CACNA1I: variants seen among roughly 807,000 people sequenced by gnomAD.
CACNA1I encodes voltage-dependent T-type calcium channel subunit alpha-1I.
In CACNA1I, 74 loss-of-function variants were observed where a neutral mutation model predicts 201.6. That is an observed-to-expected ratio of 0.37 (90% CI 0.30 to 0.45). The LOEUF is 0.45. CACNA1I is among the 20% of genes least tolerant of loss of function. The pLI is 1.00. For missense variants in CACNA1I, 2,346 were observed against 3,138.1 expected (o/e 0.75, Z 6.03); for synonymous variants, 1,431 against 1,345.2 (o/e 1.06, Z -1.40).
chr22:39,611,641 C>G (rs1183568813), intron 3 of CACNA1I, among the ~76,000 whole-genome samples: 1 of 152,202 alleles, frequency 6.6e-6, no homozygotes, highest in African/African-American at 2.4e-5. Context: ...ATGAGGCATA[C>G]ACTAAAATTA....
rs750800988 is a variant in CACNA1I at position 39,670,208 on chromosome 22, G to C, written c.4365G>C (p.Arg1455=). The C allele has an allele frequency of 6.2e-7, 1 of 1,613,386 alleles. No individual in the cohort carries two copies. The highest frequency in any genetic ancestry group is 1.3e-5 in the African/African-American group (1 of 75,070). The part of the protein sequence containing the change: ...EARRREEKRL[R]RLEKKRRKAQ... ...GGCGGCGTGAGGAGAAGCGGCTGCG[G>C]CGCCTGGAGAAGAAGCGCCGGAGTG... Residue 1455 remains arginine (R), a synonymous_variant, in exon 25 of 37, where the codon CGG becomes CGC. Transcript: ENST00000402142.
intron 3 of CACNA1I, among the ~76,000 whole-genome samples, chr22:39,608,856 C>G (rs888725360): frequency 6.6e-6 from 1 of 151,866 alleles, no homozygotes; most frequent in Non-Finnish European, 1.5e-5. Flanking sequence ...ATTTATTGTA[C>G]CCTGGAAACA....
chr22:39,637,989 A>G (rs996665790), intron 5 of CACNA1I, among the ~76,000 whole-genome samples: 35 of 151,964 alleles, frequency 2.3e-4, no homozygotes, highest in African/African-American at 8.0e-4. Flanking sequence ...GCTGGAGTGC[A>G]GTGGCATGAT....
At chr22:39,632,284 G>C (rs925448340) in intron 4 of CACNA1I, among the ~76,000 whole-genome samples, 6 of 152,088 alleles carry the variant, frequency 3.9e-5, no homozygotes, top group African/African-American at 1.4e-4. Flanking sequence ...TGGCCTCGGG[G>C]CTCGCCCATT....
chr22:39,627,041 A>G (rs930486995), intron 4 of CACNA1I, among the ~76,000 whole-genome samples: 3 of 151,998 alleles, frequency 2.0e-5, no homozygotes, highest in African/African-American at 7.3e-5. Context: ...TAGGGTTTGA[A>G]CCCGTGTTCA....
At chr22:39,628,072 T>TCTCCCC (rs1032669608) in intron 4 of CACNA1I, among the ~76,000 whole-genome samples, 1 of 152,106 alleles carries the variant, frequency 6.6e-6, no homozygotes, top group African/African-American at 2.4e-5. Flanking sequence ...AGTGCCTCCC[T>TCTCCCC]CTCCCCCTCC....
At chr22:39,602,748 C>T (rs996324346) in intron 3 of CACNA1I, among the ~76,000 whole-genome samples, 5 of 152,268 alleles carry the variant, frequency 3.3e-5, no homozygotes, top group East Asian at 3.9e-4. Flanking sequence ...TCCTCTTTCT[C>T]GGAAGATGAC....
intron 19 of CACNA1I, 88 bp downstream of exon 19, chr22:39,663,929 G>T: frequency 6.4e-7 from 1 of 1,571,456 alleles, no homozygotes; most frequent in Admixed American, 1.7e-5. Flanking sequence ...CCTCACCGAG[G>T]TGGGGAGGCA....
At chr22:39,664,269 C>A in intron 20 of CACNA1I, 110 bp downstream of exon 20, 2 of 914,428 alleles carry the variant, frequency 2.2e-6, no homozygotes, top group South Asian at 2.9e-5. Flanking sequence ...TCATTTCACT[C>A]GTAGCCCCAT....
At chr22:39,622,778 G>T (rs1933785557) in intron 4 of CACNA1I, among the ~76,000 whole-genome samples, 1 of 151,608 alleles carries the variant, frequency 6.6e-6, no homozygotes, top group Admixed American at 6.6e-5. Flanking sequence ...GTGGGCACCT[G>T]GGTGGGCGGG....
In CACNA1I at chr22:39,658,977, C is replaced by T. The variant is rs1569085673; in HGVS notation, c.2191C>T (p.Arg731Trp). 1.2e-6 allele frequency: 2 copies of T among 1,606,930 alleles called. No homozygotes were observed. The highest frequency in any genetic ancestry group is 1.1e-5 in the South Asian group (1 of 89,698). ...GQADGGLSVL[R>W]TFRLLRVLKL... ...GGCGGACGGTGGGCTGTCGGTGCTG[C>T]GGACCTTCCGGCTGCTGCGCGTGCT... The change falls in exon 12 of 37, where the codon CGG becomes TGG. Residue 731 changes from arginine (R) to tryptophan (W), a missense_variant. Physicochemically the swap from Arg to Trp is moderately radical, Grantham distance 101. Transcript: ENST00000402142.
chr22:39,621,988 G>A (rs1320289173), intron 4 of CACNA1I, among the ~76,000 whole-genome samples: 1 of 152,162 alleles, frequency 6.6e-6, no homozygotes, highest in Non-Finnish European at 1.5e-5. Context: ...GTCCAGAGAG[G>A]GTCGTGGCTA....
intron 34 of CACNA1I, among the ~76,000 whole-genome samples, chr22:39,681,616 A>T (rs1935710066): frequency 6.6e-6 from 1 of 151,934 alleles, no homozygotes; most frequent in South Asian, 2.1e-4. Flanking sequence ...GGTCAGTCTG[A>T]GGAGGCCTGC....
At chr22:39,608,514 C>G (rs534818537) in intron 3 of CACNA1I, among the ~76,000 whole-genome samples, 1 of 152,186 alleles carries the variant, frequency 6.6e-6, no homozygotes, top group East Asian at 1.9e-4. Flanking sequence ...AGCACCTTGG[C>G]TAGAGGGTGA....
chr22:39,644,460 A>G (rs1406484361), intron 7 of CACNA1I, among the ~76,000 whole-genome samples: 1 of 152,142 alleles, frequency 6.6e-6, no homozygotes, highest in African/African-American at 2.4e-5. Context: ...TGCTGCTATT[A>G]TTGGGTCTCA....
intron 5 of CACNA1I, among the ~76,000 whole-genome samples, chr22:39,640,583 C>T (rs1367902377): frequency 6.6e-6 from 1 of 152,112 alleles, no homozygotes; most frequent in African/African-American, 2.4e-5. Flanking sequence ...CTGAGATGTC[C>T]AGACTCCCGA....
At chr22:39,664,468 C>G (rs1310795810) in intron 20 of CACNA1I, among the ~76,000 whole-genome samples, 1 of 152,104 alleles carries the variant, frequency 6.6e-6, no homozygotes, top group African/African-American at 2.4e-5. Flanking sequence ...CTTCCCAGGG[C>G]GGGCAGTTTT....
Position 39,585,943 on chromosome 22 carries a change from G to A in CACNA1I, c.237-12208G>A, listed in dbSNP as rs549839813. Among the ~76,000 whole-genome samples, 4 of 151,996 alleles carry A rather than the reference G, an allele frequency of 2.6e-5. No homozygotes were observed. The South Asian group carries it at 8.3e-4, about 32-fold the overall frequency. On this transcript the variant is annotated intron_variant, in intron 1 of 36. Coordinates refer to ENST00000402142, the MANE Select transcript of CACNA1I (RefSeq NM_021096.4). ...CGCCTGTAATCCCAGCACTTTGGAG[G>A]CCGAGGTGGGTGGATCACGAGGTCA...
chr22:39,686,076 G>C lies in CACNA1I; in HGVS notation c.6343G>C (p.Gly2115Arg), dbSNP rs1163973758. The change falls in exon 37 of 37, where the codon GGC becomes CGC. Residue 2115 changes from glycine (G) to arginine (R), a missense_variant. Gly to Arg is a moderately radical substitution (Grantham distance 125, BLOSUM62 -2). This residue lies in a region of CACNA1I where 441 missense variants were observed against 555.6 expected (regional missense o/e 0.79). Transcript: ENST00000402142. ...GGACGAGGAGGGCCGCGGTGGCGCG[G>C]GCGGCGGGGGCGCGGGCAGCGAGCA... ...PSDEEGRGGA[G>R]GGGAGSEHSE... The C allele has an allele frequency of 1.6e-6, 2 of 1,236,672 alleles. No homozygotes were observed. The highest frequency in any genetic ancestry group is 3.1e-5 in the African/African-American group (2 of 63,630). 76.6% of individuals were successfully genotyped at this position (1,236,672 alleles called of 1,614,324 possible).
Sources: gnomAD v4.1 joint callset for allele counts (sites outside exome capture counted in the v4.1 genomes callset) on GRCh38, gnomAD v4.1.1 for gene constraint, gnomAD v4.1.1 regional missense constraint, MANE v1.5 for transcripts, NCBI Gene and HGNC (gene_info 2026-07-23, HGNC 2026-07-21) for gene names.